The following CEP164 variants were observed in gnomAD, a reference collection of about 807,000 sequenced individuals.
CEP164 encodes the protein centrosomal protein of 164 kDa.
A neutral mutation model predicts 182.7 loss-of-function variants in CEP164; 162 were observed. The observed-to-expected ratio is 0.89, with a 90% confidence interval of 0.78 to 1.01. The LOEUF (loss-of-function observed/expected upper bound fraction) is 1.01. CEP164 is among the 50% of genes least tolerant of loss of function. The pLI, the probability that CEP164 is intolerant of heterozygous loss-of-function variation, is 0.00. For synonymous variants in CEP164, 661 were observed against 690.0 expected (o/e 0.96, Z 0.66); for missense variants, 1,735 against 1,790.4 (o/e 0.97, Z 0.56).
Position 117,387,214 on chromosome 11 carries a change from A to T in CEP164, c.1736A>T (p.Glu579Val). 1 of 1,614,130 alleles carries T rather than the reference A, an allele frequency of 6.2e-7. No homozygotes were observed. The highest frequency in any genetic ancestry group is 8.5e-7 in the Non-Finnish European group (1 of 1,179,960). The change falls in exon 15 of 33, where the codon GAG becomes GTG. Residue 579 changes from glutamate to valine, a missense_variant. By Grantham distance (121) the Glu-to-Val change is moderately radical (BLOSUM62 -2). Coordinates refer to ENST00000278935, the MANE Select transcript of CEP164 (RefSeq NM_014956.5). ...PPVSPEVRST[E>V]PVAPPEQLSE... ...CCCACCCATGGTAGGCGATCCACAGAGCCTGTGGCTCCCCCAGAGCAGCTC... is the reference window on the plus strand; with the variant it reads ...CCCACCCATGGTAGGCGATCCACAGTGCCTGTGGCTCCCCCAGAGCAGCTC...
chr11:117,332,919 T>G (rs2036442603), intron 1 of CEP164, among the ~76,000 whole-genome samples: 1 of 152,234 alleles, frequency 6.6e-6, no homozygotes, highest in Non-Finnish European at 1.5e-5. Flanking sequence ...GGTGCCATAA[T>G]TGACTAGTGA....
At chr11:117,381,892 C>G in intron 13 of CEP164, 24 bp downstream of exon 13, 1 of 1,460,904 alleles carries the variant, frequency 6.8e-7, no homozygotes, top group South Asian at 1.4e-5. Context: ...GAAGCATCCT[C>G]ATGAGGATGA....
At chr11:117,346,743 A>G (rs2038953436) in intron 4 of CEP164, among the ~76,000 whole-genome samples, 1 of 152,000 alleles carries the variant, frequency 6.6e-6, no homozygotes, top group Non-Finnish European at 1.5e-5. Context: ...ATGCACCTTT[A>G]GTCCCAGCTA....
At chr11:117,362,584 A>G (rs1258834010) in intron 7 of CEP164, 46 bp downstream of exon 7, 1 of 1,558,526 alleles carries the variant, frequency 6.4e-7, no homozygotes, top group South Asian at 1.2e-5. Flanking sequence ...TCTGTGCCAT[A>G]TTTTTTCCTT....
At chr11:117,380,860 C>T (rs1565539900) in intron 12 of CEP164, 155 bp downstream of exon 12, 2 of 649,454 alleles carry the variant, frequency 3.1e-6, no homozygotes, top group African/African-American at 3.6e-5. Context: ...TCTGTGTGTG[C>T]ACATGCGTGT....
intron 5 of CEP164, chr11:117,354,900 C>G: frequency 8.1e-7 from 1 of 1,230,740 alleles, no homozygotes; most frequent in Non-Finnish European, 1.0e-6. Context: ...GCTTTGTCTT[C>G]GTTTTCTCTG....
chr11:117,372,756 G>A (rs2042346078), intron 9 of CEP164, among the ~76,000 whole-genome samples: 1 of 152,178 alleles, frequency 6.6e-6, no homozygotes, highest in Non-Finnish European at 1.5e-5. Flanking sequence ...GGGCAGTCGT[G>A]GTTGCAGCAG....
chr11:117,394,397 G>A lies in CEP164; in HGVS notation c.2664G>A (p.Leu888=). ...AELLGHLTGE[L]ERLQRAHERE... ...TTCTGGGGCACCTGACCGGAGAGCTGGAGCGCCTGCAGAGGGCCCATGAAC... is the reference window on the plus strand; with the variant it reads ...TTCTGGGGCACCTGACCGGAGAGCTAGAGCGCCTGCAGAGGGCCCATGAAC... Residue 888 remains leucine, a synonymous_variant, in exon 21 of 33, where the codon CTG becomes CTA. Transcript: ENST00000278935. The surrounding 1 kb of genome is among the most constrained non-coding windows in gnomAD (Gnocchi z 4.0). The A allele has an allele frequency of 6.2e-7, 1 of 1,612,284 alleles. No individual in the cohort carries two copies. The highest frequency in any genetic ancestry group is 8.5e-7 in the Non-Finnish European group (1 of 1,179,332).
Position 117,387,363 on chromosome 11 carries a change from G to A in CEP164, c.1885G>A (p.Glu629Lys). ...QQLREKLCQE[E>K]EEEILRLHQQ... ...ACTGCGGGAGAAGCTGTGCCAAGAGGAGGAAGAGGAGATCCTCCGGCTTCA... is the reference window on the plus strand; with the variant it reads ...ACTGCGGGAGAAGCTGTGCCAAGAGAAGGAAGAGGAGATCCTCCGGCTTCA... Residue 629 changes from glutamate to lysine, a missense_variant, in exon 15 of 33, where the codon GAG becomes AAG. Physicochemically the swap from Glu to Lys is moderately conservative, Grantham distance 56. Transcript: ENST00000278935. 1 of 1,614,170 alleles carries A rather than the reference G, an allele frequency of 6.2e-7. No individual in the cohort carries two copies. The highest frequency in any genetic ancestry group is 1.3e-5 in the African/African-American group (1 of 75,052).
intron 27 of CEP164, among the ~76,000 whole-genome samples, chr11:117,402,448 T>C (rs2046256666): frequency 6.6e-6 from 1 of 152,274 alleles, no homozygotes; most frequent in Admixed American, 6.5e-5. Flanking sequence ...CTCGAGCTCC[T>C]GACCTCATGA....
Position 117,391,104 on chromosome 11 carries a change from G to A in CEP164, c.2172G>A (p.Gln724=). 6 of 1,614,082 alleles carry A rather than the reference G, an allele frequency of 3.7e-6. No individual in the cohort carries two copies. Among genetic ancestry groups the A allele is most frequent in the Middle Eastern group, 1.7e-4 (1 of 6,044 alleles). The part of the protein sequence containing the change: ...LEQKNRQMLE[Q]LKEEIEASEK... ...AGAAAAATAGGCAAATGCTGGAGCA[G>A]CTCAAGGAAGAGATAGAGGCTTCGG... Residue 724 remains glutamine, a synonymous_variant, in exon 17 of 33, where the codon CAG becomes CAA. Coordinates refer to ENST00000278935, the MANE Select transcript of CEP164 (RefSeq NM_014956.5).
intron 5 of CEP164, among the ~76,000 whole-genome samples, chr11:117,358,825 A>G (rs1445024600): frequency 6.6e-6 from 1 of 152,074 alleles, no homozygotes; most frequent in Non-Finnish European, 1.5e-5. Flanking sequence ...GTCAGGGACC[A>G]TGTATGTCCT....
intron 14 of CEP164, among the ~76,000 whole-genome samples, chr11:117,384,082 C>T (rs1007544506): frequency 6.6e-6 from 1 of 152,198 alleles, no homozygotes; most frequent in Admixed American, 6.5e-5. Context: ...AGACTTCTGA[C>T]TTTAGTCTGC....
At chr11:117,382,193 G>A (rs2136149461) in intron 13 of CEP164, among the ~76,000 whole-genome samples, 1 of 152,244 alleles carries the variant, frequency 6.6e-6, no homozygotes, top group African/African-American at 2.4e-5. Context: ...GCAAGGGGCT[G>A]GAGCAGAGAC....
intron 19 of CEP164, 104 bp from the exon 20 acceptor site, chr11:117,392,898 GTT>G: frequency 6.5e-7 from 1 of 1,529,710 alleles, no homozygotes. Context: ...TGTTGTGTGT[GTT>G]GGGGGAGATT....
At chr11:117,376,399 C>T (rs562439223) in intron 11 of CEP164, among the ~76,000 whole-genome samples, 3 of 152,334 alleles carry the variant, frequency 2.0e-5, no homozygotes, top group East Asian at 3.9e-4. Context: ...TGATGATTGA[C>T]CCATGTGTGG....
intron 3 of CEP164, among the ~76,000 whole-genome samples, chr11:117,342,116 C>T (rs2038213372): frequency 6.6e-6 from 1 of 152,128 alleles, no homozygotes. Context: ...TACTTCATTG[C>T]TGGCTGTCTC....
chr11:117,373,950 C>A, intron 10 of CEP164, 119 bp downstream of exon 10: 1 of 761,382 alleles, frequency 1.3e-6, no homozygotes, highest in Non-Finnish European at 2.2e-6. Flanking sequence ...CGAACTCATG[C>A]TTGAGTCTTG....
At chr11:117,358,434 C>G (rs570768903) in intron 5 of CEP164, among the ~76,000 whole-genome samples, 27 of 152,024 alleles carry the variant, frequency 1.8e-4, no homozygotes, top group African/African-American at 6.3e-4. Context: ...GATAATTTTG[C>G]TTGCTGATAC....
Sources: gnomAD v4.1 joint callset for allele counts (sites outside exome capture counted in the v4.1 genomes callset) on GRCh38, gnomAD v4.1.1 for gene constraint, Gnocchi (gnomAD v3.1) non-coding constraint, MANE v1.5 for transcripts, NCBI Gene and HGNC (gene_info 2026-07-23, HGNC 2026-07-21) for gene names.